Variants in GALNT13 observed in about 807,000 individuals in gnomAD.
The protein encoded by GALNT13 is UDP-GalNAc:polypeptide N-acetylgalactosaminyltransferase 13.
GALNT13 carries 28 observed loss-of-function variants against 64.2 expected under a neutral mutation model. The ratio of observed to expected loss-of-function variants is 0.44; its 90% CI spans 0.32 to 0.60. GALNT13 has a LOEUF of 0.60. GALNT13 is among the 20% of genes least tolerant of loss of function. The probability of loss-of-function intolerance (pLI) is 0.05; values close to 1 mark genes in which losing one functional copy is unlikely to be tolerated. For synonymous variants in GALNT13, 214 were observed against 224.6 expected, an observed-to-expected ratio of 0.95 and a Z score of 0.42; for missense variants, 577 against 669.8, an observed-to-expected ratio of 0.86 and a Z score of 1.53.
the GALNT13 span, among the ~76,000 whole-genome samples, chr2:153,765,632 G>T: frequency 1.3e-5 from 2 of 152,156 alleles, no homozygotes; most frequent in Admixed American, 1.3e-4. Context: ...GACTTTGGGG[G>T]ACTGTTGGGA....
the GALNT13 span, among the ~76,000 whole-genome samples, chr2:153,117,004 T>C: frequency 1.3e-5 from 2 of 152,090 alleles, no homozygotes; most frequent in East Asian, 3.9e-4. Context: ...TTTCACCATG[T>C]TAGCCAGGAT....
At chr2:153,937,247 G>A (rs1691002903) in intron 2 of GALNT13, among the ~76,000 whole-genome samples, 1 of 152,162 alleles carries the variant, frequency 6.6e-6, no homozygotes, top group Non-Finnish European at 1.5e-5. Context: ...TGCATCAAGT[G>A]ATGAATGGAT....
At chr2:153,876,028 A>G (rs1686344332) in intron 1 of GALNT13, among the ~76,000 whole-genome samples, 1 of 152,150 alleles carries the variant, frequency 6.6e-6, no homozygotes, top group Non-Finnish European at 1.5e-5. Flanking sequence ...AGTCTGAATG[A>G]CCATATGCCT....
At chr2:153,408,510 T>C in the GALNT13 span, among the ~76,000 whole-genome samples, 3 of 152,130 alleles carry the variant, frequency 2.0e-5, no homozygotes, top group Non-Finnish European at 1.5e-5. Flanking sequence ...CAATAAAGAC[T>C]TTCTTACTTT....
At chr2:154,156,024 C>T (rs892066675) in intron 4 of GALNT13, among the ~76,000 whole-genome samples, 20 of 148,686 alleles carry the variant, frequency 1.3e-4, no homozygotes, top group African/African-American at 5.2e-4. Flanking sequence ...TTTATTTTTT[C>T]CCTAACATAA....
chr2:153,212,663 TC>T, the GALNT13 span, among the ~76,000 whole-genome samples: 1 of 152,180 alleles, frequency 6.6e-6, no homozygotes, highest in Non-Finnish European at 1.5e-5. Context: ...TTGTATGCTG[TC>T]TTTTCATAAT....
chr2:153,677,550 A>G, the GALNT13 span, among the ~76,000 whole-genome samples: 1 of 152,104 alleles, frequency 6.6e-6, no homozygotes, highest in Admixed American at 6.6e-5. Flanking sequence ...GAATTAGAAA[A>G]AAAAACTATT....
rs114028714 is a variant in GALNT13, at chr2:154,076,367, A to G, written c.143-63970A>G. ...ATCGCAGTCATGATATCAATGAGCA[A>G]CAGAAAGTATTCTTGCACAAAGAGG... On this transcript the variant is annotated intron_variant, in intron 3 of 12. Coordinates refer to ENST00000392825, the MANE Select transcript of GALNT13 (RefSeq NM_052917.4). Among the ~76,000 whole-genome samples the G allele has an allele frequency of 6.4e-3, 979 of 151,920 alleles. 15 individuals carry two copies. The highest frequency in any genetic ancestry group is 0.022 in the African/African-American group (922 of 41,530).
intron 4 of GALNT13, among the ~76,000 whole-genome samples, chr2:154,197,685 A>C (rs1686952531): frequency 6.6e-6 from 1 of 151,922 alleles, no homozygotes; most frequent in Non-Finnish European, 1.5e-5. Context: ...TGATATTTTA[A>C]ATTAATTTAA....
chr2:153,685,891 G>T, the GALNT13 span, among the ~76,000 whole-genome samples: 1 of 151,704 alleles, frequency 6.6e-6, no homozygotes, highest in Admixed American at 6.6e-5. Context: ...AGCATTTATT[G>T]AACAAGGAAT....
the GALNT13 span, among the ~76,000 whole-genome samples, chr2:153,863,975 G>C: frequency 6.6e-6 from 1 of 152,158 alleles, no homozygotes; most frequent in Non-Finnish European, 1.5e-5. Context: ...GAAGTACACG[G>C]AAGTTACAAA....
chr2:153,678,216 G>T, the GALNT13 span, among the ~76,000 whole-genome samples: 1 of 150,454 alleles, frequency 6.6e-6, no homozygotes, highest in South Asian at 2.1e-4. Context: ...CTGCCATAAA[G>T]GCACATGCAC....
chr2:153,987,669 A>G (rs1172967253), intron 3 of GALNT13, among the ~76,000 whole-genome samples: 1 of 151,800 alleles, frequency 6.6e-6, no homozygotes, highest in Non-Finnish European at 1.5e-5. Context: ...GGTGCTGACA[A>G]TTGACCTCAA....
At chr2:153,542,244 C>A in the GALNT13 span, among the ~76,000 whole-genome samples, 6 of 151,944 alleles carry the variant, frequency 3.9e-5, no homozygotes, top group Non-Finnish European at 8.8e-5. Context: ...CACTTGAACC[C>A]AGGAGGTGGA....
chr2:153,933,848 C>T (rs530975061), intron 2 of GALNT13, among the ~76,000 whole-genome samples: 33 of 152,216 alleles, frequency 2.2e-4, no homozygotes, highest in African/African-American at 7.0e-4. Context: ...CCTTCTCTTA[C>T]GAAGCTTCAT....
At chr2:153,165,148 C>T in the GALNT13 span, among the ~76,000 whole-genome samples, 1 of 152,226 alleles carries the variant, frequency 6.6e-6, no homozygotes, top group Non-Finnish European at 1.5e-5. Context: ...GAACAACACA[C>T]AGTCTTTGAG....
At chr2:154,126,811 G>T (rs2105533284) in intron 3 of GALNT13, among the ~76,000 whole-genome samples, 1 of 152,206 alleles carries the variant, frequency 6.6e-6, no homozygotes, top group East Asian at 1.9e-4. Flanking sequence ...ACCAATGGAG[G>T]TTGACTTTTT....
chr2:154,189,485 A>G (rs1686448350), intron 4 of GALNT13, among the ~76,000 whole-genome samples: 1 of 151,282 alleles, frequency 6.6e-6, no homozygotes, highest in Non-Finnish European at 1.5e-5. Flanking sequence ...AAAAAAAAAA[A>G]AAAAAAAAAG....
At chr2:153,826,036 A>G in the GALNT13 span, among the ~76,000 whole-genome samples, 50 of 152,174 alleles carry the variant, frequency 3.3e-4, 1 homozygote, top group Non-Finnish European at 1.8e-4. Context: ...ACCCTTCTCT[A>G]TCCCCATCTC....
Sources: gnomAD v4.1 joint callset for allele counts (sites outside exome capture counted in the v4.1 genomes callset) on GRCh38, gnomAD v4.1.1 for gene constraint, MANE v1.5 for transcripts, NCBI Gene and HGNC (gene_info 2026-07-23, HGNC 2026-07-21) for gene names.